ANO2: variants seen among roughly 807,000 people sequenced by gnomAD.
The protein encoded by ANO2 is anoctamin-2.
Under a neutral mutation model 124.2 loss-of-function variants are expected in ANO2, and 101 were observed. That is an observed-to-expected ratio of 0.81 (90% CI 0.69 to 0.96). ANO2 has a LOEUF of 0.96. Among genes scored for constraint, ANO2 ranks in the 40% least tolerant of loss-of-function variants. The pLI is 0.00. For synonymous variants in ANO2, 486 were observed against 482.5 expected (o/e 1.01, Z -0.09); for missense variants, 1,293 against 1,274.5 (o/e 1.01, Z -0.22).
At chr12:5,591,911 C>T (rs1224308521) in intron 20 of ANO2, among the ~76,000 whole-genome samples, 1 of 152,118 alleles carries the variant, frequency 6.6e-6, no homozygotes, top group Non-Finnish European at 1.5e-5. Context: ...AGGGATGTGG[C>T]CTTGGAGTTG....
chr12:5,944,598 C>G (rs1179847536), intron 1 of ANO2, among the ~76,000 whole-genome samples: 2 of 152,188 alleles, frequency 1.3e-5, no homozygotes, highest in Non-Finnish European at 2.9e-5. Flanking sequence ...CCTCAATTTG[C>G]TTTTCTTCTA....
intron 3 of ANO2, among the ~76,000 whole-genome samples, chr12:5,905,245 G>A (rs1428689799): frequency 6.6e-6 from 1 of 152,138 alleles, no homozygotes. Flanking sequence ...CTCTGGCAGG[G>A]AGGACGGTGT....
At chr12:5,729,939 T>C (rs1177458535) in intron 14 of ANO2, among the ~76,000 whole-genome samples, 1 of 152,216 alleles carries the variant, frequency 6.6e-6, no homozygotes, top group African/African-American at 2.4e-5. Flanking sequence ...TACGTGAAAG[T>C]CCAGAATAGG....
At chr12:5,601,212 A>C (rs1181335199) in intron 19 of ANO2, among the ~76,000 whole-genome samples, 2 of 152,138 alleles carry the variant, frequency 1.3e-5, no homozygotes, top group African/African-American at 4.8e-5. Flanking sequence ...TCTATACAGC[A>C]TGCTTCATTT....
intron 14 of ANO2, among the ~76,000 whole-genome samples, chr12:5,691,890 C>A (rs565362268): frequency 2.0e-5 from 3 of 150,802 alleles, no homozygotes; most frequent in African/African-American, 4.9e-5. Flanking sequence ...GGTGACAGAG[C>A]GAGACTATCT....
intron 14 of ANO2, among the ~76,000 whole-genome samples, chr12:5,651,254 T>C (rs1406609910): frequency 6.6e-6 from 1 of 152,222 alleles, no homozygotes; most frequent in East Asian, 1.9e-4. Flanking sequence ...AGACAGCAAG[T>C]AGCACAGTAA....
At chr12:5,576,124 A>G (rs1942393734) in intron 22 of ANO2, 109 bp from the exon 23 acceptor site, 1 of 1,133,452 alleles carries the variant, frequency 8.8e-7, no homozygotes, top group Non-Finnish European at 1.2e-6. Context: ...ACAGAAGCTC[A>G]TGCAGCATGA....
At chr12:5,563,673 A>C in intron 24 of ANO2, 105 bp from the exon 25 acceptor site, 2 of 1,438,304 alleles carry the variant, frequency 1.4e-6, no homozygotes, top group Non-Finnish European at 9.5e-7. Context: ...TTTGCAACTT[A>C]CCAGCCCAGT....
intron 14 of ANO2, among the ~76,000 whole-genome samples, chr12:5,717,165 G>A (rs1169459570): frequency 3.9e-5 from 6 of 152,188 alleles, no homozygotes; most frequent in African/African-American, 1.4e-4. Context: ...GAAACAACAG[G>A]CATGAAGAGT....
At chr12:5,876,108 C>T (rs754811600) in intron 3 of ANO2, among the ~76,000 whole-genome samples, 27 of 152,212 alleles carry the variant, frequency 1.8e-4, no homozygotes, top group Non-Finnish European at 2.6e-4. Context: ...GCATCCCCCT[C>T]AGTCTGCTAT....
chr12:5,864,669 C>T (rs1955371296), intron 3 of ANO2, among the ~76,000 whole-genome samples: 1 of 152,206 alleles, frequency 6.6e-6, no homozygotes, highest in African/African-American at 2.4e-5. Context: ...TTAGTAAATA[C>T]TCAGACCACA....
intron 10 of ANO2, among the ~76,000 whole-genome samples, chr12:5,756,150 G>C (rs1951574111): frequency 6.6e-6 from 1 of 151,764 alleles, no homozygotes; most frequent in Non-Finnish European, 1.5e-5. Flanking sequence ...CTGAAGTTCT[G>C]TATTAAGTTT....
At chr12:5,618,607 T>G (rs1194256119) in intron 16 of ANO2, among the ~76,000 whole-genome samples, 3 of 152,174 alleles carry the variant, frequency 2.0e-5, no homozygotes, top group African/African-American at 7.2e-5. Flanking sequence ...CAACACCACT[T>G]TTTGCAATCA....
intron 15 of ANO2, among the ~76,000 whole-genome samples, chr12:5,642,371 G>A (rs1024090110): frequency 2.6e-5 from 4 of 152,162 alleles, no homozygotes; most frequent in African/African-American, 9.7e-5. Context: ...CATCAGGAGG[G>A]CAACTGAGTT....
intron 14 of ANO2, among the ~76,000 whole-genome samples, chr12:5,681,588 T>C (rs1948492845): frequency 6.6e-6 from 1 of 152,226 alleles, no homozygotes; most frequent in Non-Finnish European, 1.5e-5. Flanking sequence ...ATGCTAAAAG[T>C]GCAAGTCGCA....
At position 5,854,059 on chromosome 12, in the gene ANO2, T is replaced by C. The variant is rs770441524; in HGVS notation, c.617A>G (p.Lys206Arg). ...LAREAEFLKI[K>R]VPTKKMYEIK... ...TGCTCATACTTTCTTGGTAGGAACTTTGATCTTCAAGAATTCTGCCTCTCT... is the reference window on the plus strand; with the variant it reads ...TGCTCATACTTTCTTGGTAGGAACTCTGATCTTCAAGAATTCTGCCTCTCT... Residue 206 changes from lysine to arginine, a missense_variant, in exon 4 of 25, where the codon AAA becomes AGA. Transcript: ENST00000682330. 4.3e-6 allele frequency: 7 copies of C among 1,613,264 alleles called. No individual in the cohort carries two copies. The Admixed American group carries it at 5.0e-5, about 12-fold the overall frequency.
intron 1 of ANO2, among the ~76,000 whole-genome samples, chr12:5,928,468 G>C (rs28392988): frequency 0.21 from 16,327 of 77,846 alleles, 5,617 homozygotes; most frequent in East Asian, 0.77. Flanking sequence ...ACTTTCCTTC[G>C]TCACTAGTCT....
chr12:5,921,886 T>C (rs1187778614), intron 2 of ANO2, among the ~76,000 whole-genome samples: 4 of 151,762 alleles, frequency 2.6e-5, no homozygotes, highest in Non-Finnish European at 4.4e-5. Context: ...CACGCTCACC[T>C]CCTTGCAGAT....
intron 3 of ANO2, among the ~76,000 whole-genome samples, chr12:5,859,716 T>C (rs1020330294): frequency 6.6e-5 from 10 of 152,130 alleles, no homozygotes; most frequent in African/African-American, 2.4e-4. Context: ...AATACTTTTT[T>C]AAAGATGGAG....
Sources: allele counts gnomAD v4.1 joint callset (sites outside exome capture counted in the v4.1 genomes callset), GRCh38; gene constraint gnomAD v4.1.1; transcripts MANE v1.5; gene names NCBI Gene and HGNC (gene_info 2026-07-23, HGNC 2026-07-21).